STK24: variants seen among roughly 807,000 people sequenced by gnomAD.
The protein encoded by STK24 is serine/threonine-protein kinase 24.
A neutral mutation model predicts 55.6 loss-of-function variants in STK24; 21 were observed. The observed-to-expected ratio is 0.38, with a 90% confidence interval of 0.27 to 0.54. The LOEUF (loss-of-function observed/expected upper bound fraction) is 0.54, where lower values mean the gene tolerates loss of function less well. Among genes scored for constraint, STK24 ranks in the 20% least tolerant of loss-of-function variants. The pLI, the probability that STK24 is intolerant of heterozygous loss-of-function variation, is 0.79. For synonymous variants in STK24, 200 were observed against 215.2 expected (o/e 0.93, Z 0.62); for missense variants, 383 against 538.4 (o/e 0.71, Z 2.86).
chr13:98,575,823 A>T (rs1897875565), intron 1 of STK24, among the ~76,000 whole-genome samples: 1 of 152,180 alleles, frequency 6.6e-6, no homozygotes, highest in Admixed American at 6.5e-5. Context: ...CTGCGCCTAC[A>T]AAGTTTACAA....
chr13:98,468,424 G>A (rs949442576), intron 5 of STK24, among the ~76,000 whole-genome samples: 1 of 152,240 alleles, frequency 6.6e-6, no homozygotes, highest in Non-Finnish European at 1.5e-5. Context: ...GCCCCTAGGA[G>A]CAGGGAAGCA....
intron 1 of STK24, among the ~76,000 whole-genome samples, chr13:98,570,640 T>A (rs1429056161): frequency 2.0e-5 from 3 of 152,178 alleles, no homozygotes; most frequent in Admixed American, 6.5e-5. Context: ...TGGGTGCGCA[T>A]AAAGTGACTG....
intron 1 of STK24, among the ~76,000 whole-genome samples, chr13:98,556,280 G>A (rs1897287608): frequency 6.6e-6 from 1 of 152,200 alleles, no homozygotes. Context: ...AAGAACTTGT[G>A]CTAGAGCTAC....
chr13:98,576,659 G>A (rs902969494), intron 1 of STK24, 86 bp downstream of exon 1: 18 of 1,226,140 alleles, frequency 1.5e-5, no homozygotes, highest in Non-Finnish European at 2.0e-5. Context: ...GGCCGGCTGA[G>A]CGTAGGGGGA....
intron 2 of STK24, among the ~76,000 whole-genome samples, chr13:98,519,037 TCAAA>T (rs1709934998): frequency 6.6e-6 from 1 of 152,200 alleles, no homozygotes; most frequent in Non-Finnish European, 1.5e-5. Context: ...AATTAGAACA[TCAAA>T]CACTTTCACC....
Position 98,446,125 on chromosome 13 carries a change from A to C in STK24, c.*7048T>G. The C allele has an allele frequency of 6.2e-7, 1 of 1,614,032 alleles. No homozygotes were observed. The highest frequency in any genetic ancestry group is 1.3e-5 in the African/African-American group (1 of 75,074). On this transcript the variant is annotated 3_prime_UTR_variant, in exon 11 of 11. Transcript: ENST00000539966. Reference sequence around the variant, plus strand: ...TCAGTTGTCTGGAAACCTGCTGAGGAAATTCAAAAACAGCAACGGGTGGCA... The same window carrying C: ...TCAGTTGTCTGGAAACCTGCTGAGGCAATTCAAAAACAGCAACGGGTGGCA...
rs75380055 is a variant in STK24 at position 98,497,965 on chromosome 13, G to T, written c.274-15644C>A. Among the ~76,000 whole-genome samples the T allele has an allele frequency of 1.6e-4, 25 of 152,308 alleles. 1 individual carries two copies. In the East Asian group the frequency reaches 4.8e-3, roughly 29 times the overall value. On this transcript the variant is annotated intron_variant, in intron 2 of 10. Transcript: ENST00000539966. ...ACCAACTCACTTCAGGGAGTCCCAA[G>T]CCCACACCCCACTACACCTATTTTG...
Position 98,494,412 on chromosome 13 carries a change from C to CAAAAAAAAAAAAAAAA in STK24, c.274-12107_274-12092dup, listed in dbSNP as rs1162677599. Among the ~76,000 whole-genome samples the CAAAAAAAAAAAAAAAA allele has an allele frequency of 8.8e-4, 59 of 66,688 alleles. 3 individuals are homozygous for CAAAAAAAAAAAAAAAA. Among genetic ancestry groups the CAAAAAAAAAAAAAAAA allele is most frequent in the African/African-American group, 2.6e-3 (49 of 18,964 alleles). 43.7% of individuals were successfully genotyped at this position (66,688 alleles called of 152,430 possible). ...CTGGGTGACAGAGCCAGACTCGTCT[C>CAAAAAAAAAAAAAAAA]AAAAAAAAAAAAAAAAGTGCCTCTA... On this transcript the variant is annotated intron_variant, in intron 2 of 10. Coordinates refer to ENST00000539966, the MANE Select transcript of STK24 (RefSeq NM_001032296.4).
intron 2 of STK24, among the ~76,000 whole-genome samples, chr13:98,500,206 TA>T (rs2139342225): frequency 6.6e-6 from 1 of 152,356 alleles, no homozygotes; most frequent in African/African-American, 2.4e-5. Flanking sequence ...CATCTAGTTT[TA>T]AAAACAAACA....
At chr13:98,519,654 G>A (rs1430338329) in intron 1 of STK24, among the ~76,000 whole-genome samples, 181 bp from the exon 2 acceptor site, 1 of 152,132 alleles carries the variant, frequency 6.6e-6, no homozygotes, top group Non-Finnish European at 1.5e-5. Flanking sequence ...AGATTCCTAG[G>A]TCTCACCTAC....
intron 1 of STK24, among the ~76,000 whole-genome samples, chr13:98,530,125 AC>A: frequency 6.6e-6 from 1 of 152,052 alleles, no homozygotes. Context: ...ACGCACACAC[AC>A]ACACAGAGCT....
At chr13:98,517,058 G>A (rs1034931395) in intron 2 of STK24, among the ~76,000 whole-genome samples, 5 of 152,218 alleles carry the variant, frequency 3.3e-5, no homozygotes, top group African/African-American at 1.2e-4. Context: ...CTAAGGAGCT[G>A]AGGTTGAACA....
At chr13:98,566,547 G>A (rs1254238498) in intron 1 of STK24, among the ~76,000 whole-genome samples, 1 of 152,220 alleles carries the variant, frequency 6.6e-6, no homozygotes, top group Non-Finnish European at 1.5e-5. Flanking sequence ...CATTCCCTCA[G>A]CAGAGACCCT....
At chr13:98,478,720 C>T (rs1177175850) in intron 3 of STK24, among the ~76,000 whole-genome samples, 1 of 152,224 alleles carries the variant, frequency 6.6e-6, no homozygotes, top group African/African-American at 2.4e-5. Context: ...GTCCGTCAAA[C>T]ATCTCTGCCT....
At chr13:98,525,438 C>T (rs1896399265) in intron 1 of STK24, among the ~76,000 whole-genome samples, 1 of 152,204 alleles carries the variant, frequency 6.6e-6, no homozygotes, top group Non-Finnish European at 1.5e-5. Context: ...CATGGACAAC[C>T]CCCGCTCCCC....
At chr13:98,457,806 G>A (rs1893531633) in intron 9 of STK24, among the ~76,000 whole-genome samples, 1 of 152,176 alleles carries the variant, frequency 6.6e-6, no homozygotes, top group Non-Finnish European at 1.5e-5. Context: ...CAAATGCTCT[G>A]AGAGCAGTTA....
At chr13:98,554,744 G>A (rs538019362) in intron 1 of STK24, among the ~76,000 whole-genome samples, 2 of 152,290 alleles carry the variant, frequency 1.3e-5, no homozygotes, top group East Asian at 1.9e-4. Context: ...GCCAGGCGCG[G>A]TGGCTCACAC....
intron 10 of STK24, chr13:98,455,746 CA>C (rs1893426760): frequency 6.6e-6 from 1 of 152,330 alleles, no homozygotes; most frequent in South Asian, 2.1e-4. Flanking sequence ...TATAAACAAA[CA>C]GTTCATAACA....
intron 1 of STK24, among the ~76,000 whole-genome samples, chr13:98,561,290 A>C (rs568099572): frequency 9.0e-4 from 137 of 152,348 alleles, no homozygotes; most frequent in Non-Finnish European, 1.4e-3. Context: ...GGCAAAAGAA[A>C]GCAGCAAGGA....
Sources: gnomAD v4.1 joint callset for allele counts (sites outside exome capture counted in the v4.1 genomes callset) on GRCh38, gnomAD v4.1.1 for gene constraint, MANE v1.5 for transcripts, NCBI Gene and HGNC (gene_info 2026-07-23, HGNC 2026-07-21) for gene names.